Variants in BST1 observed in about 807,000 individuals in gnomAD.
BST1 encodes the protein bone marrow stromal cell antigen 1, also known as ADP-ribosyl cyclase/cyclic ADP-ribose hydrolase 2.
Under a neutral mutation model 40.6 loss-of-function variants are expected in BST1, and 49 were observed. The observed-to-expected ratio is 1.21, with a 90% CI of 0.96 to 1.53. The LOEUF is 1.53. BST1 is among the 40% of genes most tolerant of loss of function. The probability of loss-of-function intolerance (pLI) is 0.00; values close to 1 mark genes in which losing one functional copy is unlikely to be tolerated. For missense variants in BST1, 423 were observed against 395.9 expected (o/e 1.07, Z -0.58); for synonymous variants, 157 against 159.3 (o/e 0.99, Z 0.11).
downstream of BST1, among the ~76,000 whole-genome samples, chr4:15,741,121 C>T (rs537734363): frequency 1.6e-3 from 237 of 151,136 alleles, 1 homozygote; most frequent in African/African-American, 5.4e-3. Context: ...TTGGCCGTTA[C>T]TCACTCCTCC....
the BST1 span, among the ~76,000 whole-genome samples, chr4:15,753,712 C>T: frequency 1.3e-4 from 20 of 152,204 alleles, no homozygotes; most frequent in African/African-American, 4.6e-4. Context: ...CAGGGAGAGT[C>T]CAAATCGGTC....
the BST1 span, among the ~76,000 whole-genome samples, chr4:15,759,016 A>G: frequency 1.3e-5 from 2 of 152,080 alleles, no homozygotes; most frequent in African/African-American, 4.8e-5. Context: ...AATCAGGTGG[A>G]CAGGCATCAA....
intron 4 of BST1, among the ~76,000 whole-genome samples, chr4:15,713,021 T>C (rs533944079): frequency 2.0e-4 from 30 of 152,290 alleles, no homozygotes; most frequent in African/African-American, 7.0e-4. Flanking sequence ...AACCACCACC[T>C]TATACTTCCT....
chr4:15,737,227 T>C (rs1429020310), downstream of BST1, among the ~76,000 whole-genome samples: 1 of 152,230 alleles, frequency 6.6e-6, no homozygotes, highest in Non-Finnish European at 1.5e-5. Flanking sequence ...ACTAGAGTTG[T>C]TTGATAGCTG....
chr4:15,746,598 A>C, the BST1 span, among the ~76,000 whole-genome samples: 1 of 152,202 alleles, frequency 6.6e-6, no homozygotes, highest in African/African-American at 2.4e-5. Context: ...TAATCCCTTC[A>C]TGAAGGCTCT....
chr4:15,764,487 T>A, the BST1 span, among the ~76,000 whole-genome samples: 1 of 151,956 alleles, frequency 6.6e-6, no homozygotes, highest in African/African-American at 2.4e-5. Flanking sequence ...CAAGTAAACA[T>A]CTTATTAGAA....
the BST1 span, among the ~76,000 whole-genome samples, chr4:15,768,480 C>CTTTTT: frequency 3.2e-4 from 29 of 91,080 alleles, no homozygotes; most frequent in African/African-American, 4.5e-4. Context: ...TGGACAGTAT[C>CTTTTT]TTTTTTTTTT....
At chr4:15,704,398 G>A (rs2148875603) in intron 1 of BST1, among the ~76,000 whole-genome samples, 1 of 78,574 alleles carries the variant, frequency 1.3e-5, no homozygotes, top group East Asian at 5.6e-4. Flanking sequence ...TAGAGGTAAG[G>A]GATGTGTGTG....
chr4:15,730,998 G>C, intron 8 of BST1: 1 of 566,552 alleles, frequency 1.8e-6, no homozygotes, highest in South Asian at 2.0e-5. Flanking sequence ...TGGTGCTCTC[G>C]ATATATAAGG....
At chr4:15,712,542 G>A (rs2148882874) in intron 4 of BST1, among the ~76,000 whole-genome samples, 1 of 152,320 alleles carries the variant, frequency 6.6e-6, no homozygotes, top group East Asian at 1.9e-4. Flanking sequence ...ACATTAGCTA[G>A]GTTGACCAGG....
chr4:15,758,733 A>G, the BST1 span, among the ~76,000 whole-genome samples: 2 of 152,226 alleles, frequency 1.3e-5, no homozygotes, highest in African/African-American at 4.8e-5. Flanking sequence ...CCACCAGTTT[A>G]TTCTCTGGTT....
Position 15,703,286 on chromosome 4 carries a change from C to T in BST1, c.142C>T (p.Leu48=), listed in dbSNP as rs570556984. 127 of 1,534,430 alleles carry T rather than the reference C, an allele frequency of 8.3e-5. No individual in the cohort carries two copies. The highest frequency in any genetic ancestry group is 1.1e-4 in the Non-Finnish European group (121 of 1,146,218). Reference sequence around the variant, plus strand: ...CAGCGCACACTTGCGGGACATCTTCCTGGGCCGCTGCGCCGAGTACCGCGC... The same window carrying T: ...CAGCGCACACTTGCGGGACATCTTCTTGGGCCGCTGCGCCGAGTACCGCGC... ...GTSAHLRDIF[L]GRCAEYRALL... is the part of the protein sequence containing the mutation. The change falls in exon 1 of 9, where the codon CTG becomes TTG. Residue 48 remains leucine, a synonymous_variant. Transcript: ENST00000265016.
chr4:15,705,030 G>A, intron 1 of BST1: 1 of 726,606 alleles, frequency 1.4e-6, no homozygotes. Flanking sequence ...GACCTCAAGA[G>A]GGGCTTGCAC....
chr4:15,755,731 A>G, the BST1 span, among the ~76,000 whole-genome samples: 3 of 152,186 alleles, frequency 2.0e-5, no homozygotes, highest in Non-Finnish European at 4.4e-5. Flanking sequence ...TGAAGGTCTT[A>G]GAGTGTTTAT....
At chr4:15,737,747 C>T (rs140606737), downstream of BST1, 202 of 1,277,202 alleles carry the variant, frequency 1.6e-4, 3 homozygotes, top group African/African-American at 1.7e-3. Context: ...CCCTCTAGCA[C>T]GATAGACTTG....
chr4:15,728,643 CTT>C lies in BST1; in HGVS notation c.852-3079_852-3078del, dbSNP rs869200119. 9.4e-4 allele frequency among the ~76,000 whole-genome samples: 113 copies of C among 119,726 alleles called. No individual in the cohort carries two copies. In the Middle Eastern group the frequency reaches 0.034, roughly 36 times the overall value. The allele number at this position is 119,726 out of a possible 152,430, so 78.5% of individuals were successfully genotyped here. ...AATTTTCTTTTCCCTTCCTTCCTTC[CTT>C]TTTTTTTTTTTTTTTTTGATGGAGT... On this transcript the variant is annotated intron_variant, in intron 8 of 8. Transcript: ENST00000265016.
chr4:15,741,079 T>C (rs1168479364), downstream of BST1, among the ~76,000 whole-genome samples: 1 of 150,218 alleles, frequency 6.7e-6, no homozygotes, highest in Non-Finnish European at 1.5e-5. Context: ...GACAGTTTTT[T>C]TGGTATTATA....
At chr4:15,709,359 A>G (rs144239961) in intron 3 of BST1, among the ~76,000 whole-genome samples, 1 of 152,110 alleles carries the variant, frequency 6.6e-6, no homozygotes, top group Non-Finnish European at 1.5e-5. Flanking sequence ...GCAAAGAGGA[A>G]AGTGTGAGCT....
the BST1 span, among the ~76,000 whole-genome samples, chr4:15,766,141 C>T: frequency 6.6e-6 from 1 of 151,932 alleles, no homozygotes; most frequent in Non-Finnish European, 1.5e-5. Context: ...GTTTGGCATC[C>T]TTCTATAATC....
Sources: allele counts gnomAD v4.1 joint callset (sites outside exome capture counted in the v4.1 genomes callset), GRCh38; gene constraint gnomAD v4.1.1; transcripts MANE v1.5; gene names NCBI Gene and HGNC (gene_info 2026-07-23, HGNC 2026-07-21).